The following PRKN variants were observed in gnomAD, a reference collection of about 807,000 sequenced individuals.
The protein encoded by PRKN is parkin RBR E3 ubiquitin protein ligase.
A neutral mutation model predicts 59.5 loss-of-function variants in PRKN; 56 were observed. The observed-to-expected ratio is 0.94, with a 90% CI of 0.76 to 1.18. The LOEUF is 1.18. Among genes scored for constraint, PRKN ranks in the 50% most tolerant of loss-of-function variants. PRKN has a pLI of 0.00. For missense variants in PRKN, 657 were observed against 596.4 expected (o/e 1.10, Z -1.06); for synonymous variants, 250 against 222.1 (o/e 1.13, Z -1.12).
chr6:162,723,288 T>G (rs1779004813), intron 1 of PRKN, among the ~76,000 whole-genome samples: 1 of 152,232 alleles, frequency 6.6e-6, no homozygotes, highest in African/African-American at 2.4e-5. Flanking sequence ...GAAGTTTTCT[T>G]CTAAATTAAT....
intron 4 of PRKN, among the ~76,000 whole-genome samples, chr6:162,090,773 T>C (rs1186877149): frequency 6.6e-6 from 1 of 152,186 alleles, no homozygotes; most frequent in South Asian, 2.1e-4. Flanking sequence ...ATTTCCTATC[T>C]AGAATGACAG....
At chr6:161,733,752 T>A (rs997655820) in intron 7 of PRKN, among the ~76,000 whole-genome samples, 6 of 128,250 alleles carry the variant, frequency 4.7e-5, no homozygotes, top group African/African-American at 1.9e-4. Flanking sequence ...TTAGTATTGT[T>A]GAAAATTCCC....
intron 1 of PRKN, among the ~76,000 whole-genome samples, chr6:162,496,844 C>T (rs771463666): frequency 1.3e-5 from 2 of 152,106 alleles, no homozygotes; most frequent in Non-Finnish European, 2.9e-5. Context: ...TAACTATAAG[C>T]CCATTTTCCA....
intron 10 of PRKN, among the ~76,000 whole-genome samples, chr6:161,366,713 C>A (rs1212776572): frequency 6.6e-6 from 1 of 152,148 alleles, no homozygotes; most frequent in East Asian, 1.9e-4. Context: ...CACTCATACA[C>A]TGCTGAGTGT....
intron 5 of PRKN, among the ~76,000 whole-genome samples, chr6:161,992,921 T>A (rs1781704439): frequency 6.6e-6 from 1 of 151,954 alleles, no homozygotes. Context: ...AAAATGGAAA[T>A]GTAATATATT....
chr6:162,048,798 T>C (rs73030473), intron 5 of PRKN, among the ~76,000 whole-genome samples: 5,822 of 151,704 alleles, frequency 0.038, 153 homozygotes, highest in Non-Finnish European at 0.055. Flanking sequence ...CTGGGCTGCA[T>C]ACGGTGCCGT....
Position 161,393,471 on chromosome 6 carries a change from C to A in PRKN, c.1084-6594G>T, listed in dbSNP as rs777985765. Among the ~76,000 whole-genome samples, 4 of 152,092 alleles carry A rather than the reference C, an allele frequency of 2.6e-5. No individual in the cohort carries two copies. Among genetic ancestry groups the A allele is most frequent in the African/African-American group, 4.8e-5 (2 of 41,368 alleles). ...CAGCCCCCTTAGACGCTCTGTACTA[C>A]CAGAGAGCTATGTGAATGGCCCATC... On this transcript the variant is annotated intron_variant, in intron 9 of 11. Coordinates refer to ENST00000366898, the MANE Select transcript of PRKN (RefSeq NM_004562.3). This position sits in a 1 kb window ranked among gnomAD's most constrained non-coding sequence, Gnocchi z 4.7.
intron 7 of PRKN, among the ~76,000 whole-genome samples, chr6:161,610,781 G>T (rs1273096567): frequency 1.3e-5 from 2 of 152,102 alleles, no homozygotes; most frequent in African/African-American, 4.8e-5. Flanking sequence ...GCCAGGAGGG[G>T]CCTGGGCTTG....
chr6:161,684,588 A>G (rs1171868359), intron 7 of PRKN, among the ~76,000 whole-genome samples: 1 of 152,192 alleles, frequency 6.6e-6, no homozygotes, highest in Non-Finnish European at 1.5e-5. Context: ...ATCACCTATT[A>G]GAGGGAAAAA....
At chr6:162,573,193 T>G (rs1780420619) in intron 1 of PRKN, among the ~76,000 whole-genome samples, 1 of 152,160 alleles carries the variant, frequency 6.6e-6, no homozygotes, top group Non-Finnish European at 1.5e-5. Flanking sequence ...ACTGAATCAC[T>G]CATTCCAATG....
At chr6:162,701,353 T>A (rs768785562) in intron 1 of PRKN, among the ~76,000 whole-genome samples, 10 of 152,072 alleles carry the variant, frequency 6.6e-5, no homozygotes, top group Non-Finnish European at 1.3e-4. Flanking sequence ...TAAAATTAAA[T>A]TAATTAAGAT....
At chr6:162,003,373 T>C (rs1562450456) in intron 5 of PRKN, among the ~76,000 whole-genome samples, 1 of 152,124 alleles carries the variant, frequency 6.6e-6, no homozygotes, top group Non-Finnish European at 1.5e-5. Context: ...TTTTTGTATA[T>C]TGTGTTTAAG....
At chr6:162,466,424 G>A (rs892795205) in intron 1 of PRKN, among the ~76,000 whole-genome samples, 3 of 152,018 alleles carry the variant, frequency 2.0e-5, no homozygotes, top group Non-Finnish European at 4.4e-5. Context: ...GGTGGGGCAG[G>A]GTATCGCTCT....
intron 5 of PRKN, among the ~76,000 whole-genome samples, chr6:162,044,437 C>G (rs1302391976): frequency 6.6e-6 from 1 of 152,238 alleles, no homozygotes; most frequent in African/African-American, 2.4e-5. Context: ...CCCTAGTCAT[C>G]AAGTCTAGCT....
At chr6:161,711,983 C>T (rs1786768060) in intron 7 of PRKN, among the ~76,000 whole-genome samples, 1 of 151,348 alleles carries the variant, frequency 6.6e-6, no homozygotes, top group East Asian at 1.9e-4. Flanking sequence ...TTTTTTGCTC[C>T]TCAACTTGCA....
chr6:162,135,633 C>T (rs1308904912), intron 4 of PRKN, among the ~76,000 whole-genome samples: 1 of 152,144 alleles, frequency 6.6e-6, no homozygotes, highest in African/African-American at 2.4e-5. Flanking sequence ...CTTGCCCTGA[C>T]TCTTGTCTCC....
chr6:162,259,100 T>A (rs1270161756), intron 3 of PRKN, among the ~76,000 whole-genome samples: 1 of 152,224 alleles, frequency 6.6e-6, no homozygotes, highest in Non-Finnish European at 1.5e-5. Flanking sequence ...TCTTTTAATC[T>A]CTTTTTCTGA....
At position 161,579,256 on chromosome 6, in the gene PRKN, A is replaced by G. The variant is rs192428237; in HGVS notation, c.872-9840T>C. 3.3e-5 allele frequency among the ~76,000 whole-genome samples: 5 copies of G among 152,216 alleles called. No individual in the cohort carries two copies. Among genetic ancestry groups the G allele is most frequent in the Non-Finnish European group, 4.4e-5 (3 of 68,036 alleles). On this transcript the variant is annotated intron_variant, in intron 7 of 11. Coordinates refer to ENST00000366898, the MANE Select transcript of PRKN (RefSeq NM_004562.3). This position sits in a 1 kb window ranked among gnomAD's most constrained non-coding sequence, Gnocchi z 4.2. ...CAATGTCTAGTTAACGTTGGGGGAA[A>G]GAGAATCTGTGGGACTGTCATCCCC...
chr6:162,550,652 G>C (rs532630429), intron 1 of PRKN, among the ~76,000 whole-genome samples: 3 of 152,296 alleles, frequency 2.0e-5, no homozygotes, highest in Non-Finnish European at 4.4e-5. Context: ...GTTGGTTCTA[G>C]AGTCTATTTT....
Sources: gnomAD v4.1 joint callset for allele counts (sites outside exome capture counted in the v4.1 genomes callset) on GRCh38, gnomAD v4.1.1 for gene constraint, Gnocchi (gnomAD v3.1) non-coding constraint, MANE v1.5 for transcripts, NCBI Gene and HGNC (gene_info 2026-07-23, HGNC 2026-07-21) for gene names.